The following GRID2 variants were observed in gnomAD, a reference collection of about 807,000 sequenced individuals.
GRID2 encodes glutamate ionotropic receptor delta type subunit 2, also known as glutamate receptor ionotropic, delta-2.
Under a neutral mutation model 114.8 loss-of-function variants are expected in GRID2, and 33 were observed. The ratio of observed to expected loss-of-function variants is 0.29; its 90% CI spans 0.22 to 0.38. The LOEUF is 0.38. GRID2 is among the 10% of genes least tolerant of loss of function. GRID2 has a pLI of 1.00. For synonymous variants in GRID2, 505 were observed against 449.9 expected, an observed-to-expected ratio of 1.12 and a Z score of -1.55; for missense variants, 1,184 against 1,257.7, an observed-to-expected ratio of 0.94 and a Z score of 0.89.
At chr4:93,328,779 G>A (rs1758128656) in intron 8 of GRID2, among the ~76,000 whole-genome samples, 1 of 151,894 alleles carries the variant, frequency 6.6e-6, no homozygotes. Context: ...GAGCTGCTCA[G>A]GATCAGTAGG....
At chr4:93,404,655 T>G (rs1346789584) in intron 9 of GRID2, among the ~76,000 whole-genome samples, 1 of 152,142 alleles carries the variant, frequency 6.6e-6, no homozygotes, top group Non-Finnish European at 1.5e-5. Context: ...GTGTCCATTC[T>G]TCTTATGCAC....
At chr4:93,240,918 T>G (rs1234399045) in intron 8 of GRID2, among the ~76,000 whole-genome samples, 1 of 151,678 alleles carries the variant, frequency 6.6e-6, no homozygotes, top group African/African-American at 2.4e-5. Flanking sequence ...AATGTTTCTG[T>G]CACTCAGAAA....
chr4:92,747,888 A>G (rs1402392137), intron 2 of GRID2, among the ~76,000 whole-genome samples: 1 of 152,170 alleles, frequency 6.6e-6, no homozygotes, highest in Non-Finnish European at 1.5e-5. Context: ...CTCCTGAGAC[A>G]TAGCTGTTTT....
chr4:93,727,612 G>A (rs1198839494), intron 14 of GRID2, among the ~76,000 whole-genome samples: 1 of 152,116 alleles, frequency 6.6e-6, no homozygotes, highest in Non-Finnish European at 1.5e-5. Context: ...AATCCATCTG[G>A]TCCTGGACTT....
chr4:93,655,979 C>A (rs1347240157), intron 14 of GRID2, among the ~76,000 whole-genome samples: 1 of 151,552 alleles, frequency 6.6e-6, no homozygotes, highest in Non-Finnish European at 1.5e-5. Context: ...AAAAGCAATA[C>A]CTTGTTGAAT....
At chr4:92,338,913 A>G (rs1411973949) in intron 1 of GRID2, among the ~76,000 whole-genome samples, 2 of 152,014 alleles carry the variant, frequency 1.3e-5, no homozygotes, top group African/African-American at 2.4e-5. Flanking sequence ...ATTTTACAGG[A>G]GGTGTGGCAA....
intron 13 of GRID2, among the ~76,000 whole-genome samples, chr4:93,544,167 T>C (rs927755235): frequency 5.9e-5 from 9 of 152,166 alleles, no homozygotes; most frequent in African/African-American, 2.2e-4. Context: ...GGTAACAGAA[T>C]ATTTTTGTTT....
intron 2 of GRID2, among the ~76,000 whole-genome samples, chr4:92,692,462 T>G (rs1734223385): frequency 6.6e-6 from 1 of 152,220 alleles, no homozygotes. Flanking sequence ...TTATATCCTC[T>G]GTATCATTTA....
chr4:93,676,695 C>T (rs909386495), intron 14 of GRID2, among the ~76,000 whole-genome samples: 8 of 143,826 alleles, frequency 5.6e-5, no homozygotes, highest in African/African-American at 2.1e-4. Context: ...GAACATTGTG[C>T]ACATATACCC....
intron 8 of GRID2, among the ~76,000 whole-genome samples, chr4:93,352,451 G>C (rs1760898474): frequency 6.6e-6 from 1 of 151,938 alleles, no homozygotes; most frequent in Admixed American, 6.6e-5. Context: ...AAATCACATA[G>C]TATTAACTAT....
At chr4:92,934,199 T>A (rs1395908290) in intron 2 of GRID2, among the ~76,000 whole-genome samples, 4 of 151,836 alleles carry the variant, frequency 2.6e-5, no homozygotes, top group Admixed American at 6.6e-5. Flanking sequence ...TGTATCCTCT[T>A]TTATTTCATT....
At chr4:92,672,099 T>G (rs1340181173) in intron 2 of GRID2, among the ~76,000 whole-genome samples, 1 of 152,174 alleles carries the variant, frequency 6.6e-6, no homozygotes, top group Non-Finnish European at 1.5e-5. Flanking sequence ...TTTTATTGAT[T>G]TTGTTTTTAT....
intron 11 of GRID2, among the ~76,000 whole-genome samples, chr4:93,475,755 G>T (rs1418386279): frequency 6.6e-6 from 1 of 152,128 alleles, no homozygotes; most frequent in Non-Finnish European, 1.5e-5. Flanking sequence ...CTGGCAAAAT[G>T]GGTGCAATTT....
intron 10 of GRID2, among the ~76,000 whole-genome samples, chr4:93,424,984 A>AT (rs539303099): frequency 1.4e-3 from 211 of 151,942 alleles, no homozygotes; most frequent in Admixed American, 2.8e-3. Flanking sequence ...TAGATTGCTT[A>AT]TTTTTTCTTT....
At chr4:92,770,674 G>A (rs1738497353) in intron 2 of GRID2, among the ~76,000 whole-genome samples, 2 of 152,118 alleles carry the variant, frequency 1.3e-5, no homozygotes, top group Admixed American at 1.3e-4. Context: ...GAGAACTTGT[G>A]CGGGGAAACT....
chr4:92,927,150 G>A (rs1166756490), intron 2 of GRID2, among the ~76,000 whole-genome samples: 1 of 151,762 alleles, frequency 6.6e-6, no homozygotes, highest in Non-Finnish European at 1.5e-5. Flanking sequence ...GTTGATTATA[G>A]CTCATATTCC....
At chr4:93,206,584 C>T (rs1742808835) in intron 4 of GRID2, among the ~76,000 whole-genome samples, 1 of 131,914 alleles carries the variant, frequency 7.6e-6, no homozygotes, top group Non-Finnish European at 1.6e-5. Flanking sequence ...ATAGAAACTG[C>T]CCCTACTACA....
chr4:93,274,359 C>A (rs570973606), intron 8 of GRID2, among the ~76,000 whole-genome samples: 3 of 152,220 alleles, frequency 2.0e-5, no homozygotes, highest in Admixed American at 6.6e-5. Context: ...TTTACACTTT[C>A]TGTCCTACAA....
chr4:93,595,346 A>G (rs1738969429), intron 13 of GRID2, among the ~76,000 whole-genome samples: 1 of 152,172 alleles, frequency 6.6e-6, no homozygotes, highest in African/African-American at 2.4e-5. Context: ...TTCATGCATT[A>G]CATAATCTTT....
Sources: gnomAD v4.1 joint callset for allele counts (sites outside exome capture counted in the v4.1 genomes callset) on GRCh38, gnomAD v4.1.1 for gene constraint, MANE v1.5 for transcripts, NCBI Gene and HGNC (gene_info 2026-07-23, HGNC 2026-07-21) for gene names.